MAPRE2: variants seen among roughly 807,000 people sequenced by gnomAD.
The protein encoded by MAPRE2 is microtubule associated protein RP/EB family member 2.
In MAPRE2, 13 loss-of-function variants were observed where a neutral mutation model predicts 43.2. The ratio of observed to expected loss-of-function variants is 0.30; its 90% CI spans 0.20 to 0.48. MAPRE2 has a LOEUF of 0.48. MAPRE2 is among the 20% of genes least tolerant of loss of function. The pLI, the probability that MAPRE2 is intolerant of heterozygous loss-of-function variation, is 0.99. For missense variants in MAPRE2, 161 were observed against 400.2 expected (o/e 0.40, Z 5.10); for synonymous variants, 135 against 148.8 (o/e 0.91, Z 0.68).
At chr18:35,102,543 T>C (rs1908725992) in intron 4 of MAPRE2, among the ~76,000 whole-genome samples, 1 of 152,164 alleles carries the variant, frequency 6.6e-6, no homozygotes, top group Admixed American at 6.6e-5. Context: ...TGAACTGAAC[T>C]CTGTTGTTAA....
chr18:35,075,591 GT>G (rs1907310481), intron 2 of MAPRE2, among the ~76,000 whole-genome samples: 1 of 152,154 alleles, frequency 6.6e-6, no homozygotes, highest in Admixed American at 6.5e-5. Context: ...TATTACTATT[GT>G]TAGGGAGGTA....
intron 1 of MAPRE2, among the ~76,000 whole-genome samples, chr18:34,991,397 C>T (rs1487001836): frequency 6.6e-6 from 1 of 152,094 alleles, no homozygotes; most frequent in East Asian, 1.9e-4. Context: ...AAGTTGTGCT[C>T]AGAAACAAGA....
rs1254851370 is a variant in MAPRE2, at chr18:35,142,131, G to C, written c.*1762G>C. On this transcript the variant is annotated 3_prime_UTR_variant, in exon 7 of 7. Coordinates refer to ENST00000300249, the MANE Select transcript of MAPRE2 (RefSeq NM_014268.4). ...TTATTTCTCTAAGGCTGGACAGCCT[G>C]GCTCTCGGCAGTGACGTCCTCCCAC... 6.6e-6 allele frequency: 1 copy of C among 152,248 alleles called. No homozygotes were observed. The highest frequency in any genetic ancestry group is 1.5e-5 in the Non-Finnish European group (1 of 68,082). The allele number at this position is 152,248 out of a possible 1,614,324, so 9.4% of individuals were successfully genotyped here. A position where few individuals can be genotyped will look rare whatever the true frequency, so the allele number is the denominator to read the frequency against.
chr18:35,013,138 T>A (rs1026368770), intron 2 of MAPRE2, among the ~76,000 whole-genome samples: 1 of 152,158 alleles, frequency 6.6e-6, no homozygotes, highest in Non-Finnish European at 1.5e-5. Flanking sequence ...ATAATTTCAA[T>A]GTCATGTTCA....
intron 2 of MAPRE2, among the ~76,000 whole-genome samples, chr18:35,086,294 G>A (rs966968250): frequency 3.3e-5 from 5 of 151,494 alleles, no homozygotes; most frequent in African/African-American, 1.2e-4. Flanking sequence ...TACATATATA[G>A]ATATGTATCT....
intron 1 of MAPRE2, among the ~76,000 whole-genome samples, chr18:35,052,505 T>C (rs1050759230): frequency 3.9e-5 from 6 of 152,238 alleles, no homozygotes; most frequent in Non-Finnish European, 7.3e-5. Context: ...TTAGGAATTA[T>C]GAAGCAAGTT....
intron 4 of MAPRE2, among the ~76,000 whole-genome samples, chr18:35,126,628 T>C (rs1273515022): frequency 6.6e-6 from 1 of 152,222 alleles, no homozygotes; most frequent in Non-Finnish European, 1.5e-5. Context: ...TCTAAAAACC[T>C]TTCCTCTTAA....
At chr18:35,054,555 A>G (rs1415405925) in intron 1 of MAPRE2, among the ~76,000 whole-genome samples, 1 of 152,152 alleles carries the variant, frequency 6.6e-6, no homozygotes, top group African/African-American at 2.4e-5. Flanking sequence ...GACCACAGCC[A>G]CTCAAGGATC....
At chr18:34,978,266 G>A (rs1568958297) in intron 1 of MAPRE2, 1 of 566,976 alleles carries the variant, frequency 1.8e-6, no homozygotes, top group Non-Finnish European at 3.1e-6. Flanking sequence ...GGCAGGAAGA[G>A]GTCACTAAAA....
At chr18:35,140,246 C>A (rs770730645) in intron 6 of MAPRE2, 49 bp from the exon 7 acceptor site, 3 of 1,520,944 alleles carry the variant, frequency 2.0e-6, no homozygotes, top group Non-Finnish European at 2.7e-6. Context: ...TGCTGCAGGG[C>A]CCCATTCCCA....
At chr18:35,000,191 C>A (rs1469771721) in intron 1 of MAPRE2, among the ~76,000 whole-genome samples, 1 of 152,092 alleles carries the variant, frequency 6.6e-6, no homozygotes, top group Non-Finnish European at 1.5e-5. Context: ...TTAGTAAACT[C>A]CCTAGATGAA....
At chr18:35,090,726 G>A (rs1443482352) in intron 2 of MAPRE2, among the ~76,000 whole-genome samples, 5 of 67,560 alleles carry the variant, frequency 7.4e-5, no homozygotes, top group Non-Finnish European at 8.7e-5. Context: ...AGCAAGATTC[G>A]GTCTCAAAAA....
At chr18:35,073,958 C>A (rs1181752972) in intron 2 of MAPRE2, among the ~76,000 whole-genome samples, 1 of 152,152 alleles carries the variant, frequency 6.6e-6, no homozygotes, top group African/African-American at 2.4e-5. Context: ...AAGAATATAA[C>A]CTCATGAAAA....
intron 2 of MAPRE2, among the ~76,000 whole-genome samples, chr18:35,096,014 A>G (rs547571219): frequency 2.0e-5 from 3 of 152,324 alleles, no homozygotes; most frequent in East Asian, 1.9e-4. Flanking sequence ...GCTCTTACCT[A>G]CAAAATAGGA....
At chr18:35,042,328 A>G (rs540170701) in intron 1 of MAPRE2, among the ~76,000 whole-genome samples, 1 of 152,216 alleles carries the variant, frequency 6.6e-6, no homozygotes, top group African/African-American at 2.4e-5. Context: ...GTTTATGGCC[A>G]CCGCTTGGGT....
intron 4 of MAPRE2, 82 bp from the exon 5 acceptor site, chr18:35,126,866 T>G: frequency 8.0e-7 from 1 of 1,252,838 alleles, no homozygotes. Flanking sequence ...TTGTAAGCTC[T>G]TTTCATATCA....
intron 1 of MAPRE2, among the ~76,000 whole-genome samples, chr18:34,986,962 C>G (rs76448019): frequency 0.032 from 4,925 of 152,024 alleles, 265 homozygotes; most frequent in African/African-American, 0.11. Flanking sequence ...CTTTCCTGGT[C>G]TGTAAAAGAT....
At chr18:35,095,405 C>CACAT (rs1908370061) in intron 2 of MAPRE2, among the ~76,000 whole-genome samples, 4 of 151,520 alleles carry the variant, frequency 2.6e-5, no homozygotes, top group African/African-American at 7.3e-5. Flanking sequence ...CACACACGCA[C>CACAT]ACACACACTC....
At chr18:34,980,314 C>G (rs1466892088) in intron 1 of MAPRE2, among the ~76,000 whole-genome samples, 1 of 152,074 alleles carries the variant, frequency 6.6e-6, no homozygotes, top group African/African-American at 2.4e-5. Context: ...AGTGAGCCAC[C>G]ACACCAGCCC....
Sources: allele counts gnomAD v4.1 joint callset (sites outside exome capture counted in the v4.1 genomes callset), GRCh38; gene constraint gnomAD v4.1.1; transcripts MANE v1.5; gene names NCBI Gene and HGNC (gene_info 2026-07-23, HGNC 2026-07-21).